The following CDH13 variants were observed in gnomAD, a reference collection of about 807,000 sequenced individuals.
CDH13 encodes the protein cadherin-13.
CDH13 carries 24 observed loss-of-function variants against 63.8 expected under a neutral mutation model. That is an observed-to-expected ratio of 0.38 (90% confidence interval 0.27 to 0.53). The LOEUF (loss-of-function observed/expected upper bound fraction) is 0.53, where lower values mean the gene tolerates loss of function less well. Ranked by LOEUF, CDH13 falls within the 20% of genes least tolerant of loss-of-function variation. CDH13 has a pLI of 0.85. For missense variants in CDH13, 1,049 were observed against 903.1 expected, an observed-to-expected ratio of 1.16 and a Z score of -2.07; for synonymous variants, 503 against 355.3, an observed-to-expected ratio of 1.42 and a Z score of -4.67.
chr16:83,220,757 C>G (rs960828395), intron 5 of CDH13, among the ~76,000 whole-genome samples: 1 of 151,202 alleles, frequency 6.6e-6, no homozygotes, highest in African/African-American at 2.4e-5. Flanking sequence ...TTAAGTGCTG[C>G]TCACATGCAA....
intron 2 of CDH13, among the ~76,000 whole-genome samples, chr16:82,908,818 C>T (rs182056095): frequency 2.0e-5 from 3 of 152,278 alleles, no homozygotes; most frequent in Non-Finnish European, 2.9e-5. Context: ...TCTCCCTATA[C>T]GGTTGACCCT....
chr16:82,642,745 G>C (rs894271122), intron 1 of CDH13, among the ~76,000 whole-genome samples: 2 of 152,186 alleles, frequency 1.3e-5, no homozygotes, highest in Admixed American at 1.3e-4. Context: ...ATATCAGTGT[G>C]GTGCTGATTT....
intron 11 of CDH13, among the ~76,000 whole-genome samples, chr16:83,762,734 C>T (rs1914077758): frequency 6.6e-6 from 1 of 152,178 alleles, no homozygotes; most frequent in South Asian, 2.1e-4. Flanking sequence ...GGTCTTCCTG[C>T]CTCCTTCTTA....
chr16:83,661,869 G>A (rs1477534809), intron 8 of CDH13, among the ~76,000 whole-genome samples: 1 of 152,204 alleles, frequency 6.6e-6, no homozygotes, highest in Non-Finnish European at 1.5e-5. Context: ...TCCTGCCAGG[G>A]CATGCAGTGA....
chr16:83,424,745 G>A (rs993258445), intron 6 of CDH13, among the ~76,000 whole-genome samples: 4 of 152,016 alleles, frequency 2.6e-5, no homozygotes, highest in African/African-American at 9.7e-5. Flanking sequence ...TTTCTCTCTC[G>A]ACTGTAGTTA....
At chr16:83,423,991 C>G (rs1388753208) in intron 6 of CDH13, among the ~76,000 whole-genome samples, 1 of 152,108 alleles carries the variant, frequency 6.6e-6, no homozygotes, top group Non-Finnish European at 1.5e-5. Context: ...GGAAACCAGT[C>G]TAGAAGAGGG....
At chr16:82,712,918 T>A (rs937932479) in intron 1 of CDH13, among the ~76,000 whole-genome samples, 2 of 152,124 alleles carry the variant, frequency 1.3e-5, no homozygotes, top group Non-Finnish European at 2.9e-5. Flanking sequence ...TGATTACTTG[T>A]CCTATCTCCT....
chr16:82,663,366 A>T (rs976094074), intron 1 of CDH13, among the ~76,000 whole-genome samples: 1 of 151,886 alleles, frequency 6.6e-6, no homozygotes, highest in African/African-American at 2.4e-5. Flanking sequence ...TTGTATTTTT[A>T]GTATAGATGG....
intron 3 of CDH13, among the ~76,000 whole-genome samples, chr16:83,049,640 G>C (rs1369436368): frequency 1.3e-5 from 2 of 152,082 alleles, no homozygotes; most frequent in African/African-American, 2.4e-5. Context: ...CTTTTACTTT[G>C]CATAATGTTG....
chr16:83,433,839 G>A (rs1447700002), intron 6 of CDH13, among the ~76,000 whole-genome samples: 1 of 152,132 alleles, frequency 6.6e-6, no homozygotes, highest in East Asian at 1.9e-4. Flanking sequence ...CATGGTATTG[G>A]TAGTAGTTGG....
intron 4 of CDH13, chr16:83,171,555 T>C: frequency 6.5e-7 from 1 of 1,534,308 alleles, no homozygotes; most frequent in Non-Finnish European, 8.7e-7. Context: ...CCTAGCACGA[T>C]GGCTGACATG....
At chr16:83,209,345 C>T (rs548870363) in intron 4 of CDH13, among the ~76,000 whole-genome samples, 29 of 152,292 alleles carry the variant, frequency 1.9e-4, no homozygotes, top group Middle Eastern at 6.8e-3. Context: ...GCCTCCAGGT[C>T]GGCCACTCCC....
chr16:82,706,159 C>G (rs1171840074), intron 1 of CDH13, among the ~76,000 whole-genome samples: 1 of 151,806 alleles, frequency 6.6e-6, no homozygotes, highest in African/African-American at 2.4e-5. Flanking sequence ...CGCCTCCCTT[C>G]TCCCTTTTTC....
At chr16:83,186,169 T>G (rs898811986) in intron 4 of CDH13, among the ~76,000 whole-genome samples, 5 of 149,520 alleles carry the variant, frequency 3.3e-5, no homozygotes, top group African/African-American at 1.2e-4. Context: ...AGAATCTCAC[T>G]ATGTCACCAG....
At chr16:83,237,300 A>T (rs1316634549) in intron 5 of CDH13, among the ~76,000 whole-genome samples, 3 of 152,160 alleles carry the variant, frequency 2.0e-5, no homozygotes, top group Non-Finnish European at 4.4e-5. Flanking sequence ...AGTGACCCAC[A>T]CTTGTGTCTT....
chr16:83,556,866 G>A (rs765653541), intron 7 of CDH13, among the ~76,000 whole-genome samples: 5 of 152,304 alleles, frequency 3.3e-5, no homozygotes, highest in East Asian at 1.9e-4. Flanking sequence ...ACGTTGAAGC[G>A]CCTCCTGGGC....
intron 5 of CDH13, among the ~76,000 whole-genome samples, chr16:83,236,464 A>G (rs892702424): frequency 6.6e-6 from 1 of 152,212 alleles, no homozygotes; most frequent in Admixed American, 6.5e-5. Context: ...ACCATTATAG[A>G]AGTTACTCTT....
intron 3 of CDH13, among the ~76,000 whole-genome samples, chr16:83,070,937 G>A (rs528804630): frequency 6.6e-6 from 1 of 150,890 alleles, no homozygotes; most frequent in Non-Finnish European, 1.5e-5. Flanking sequence ...TAAGTTAGGA[G>A]GGGAGTTATG....
chr16:82,844,467 G>A (rs1371135394), intron 1 of CDH13: 2 of 151,152 alleles, frequency 1.3e-5, no homozygotes, highest in South Asian at 2.1e-4. Flanking sequence ...CGGGCGTGGT[G>A]GCGGGCGCCT....
Sources: gnomAD v4.1 joint callset for allele counts (sites outside exome capture counted in the v4.1 genomes callset) on GRCh38, gnomAD v4.1.1 for gene constraint, MANE v1.5 for transcripts, NCBI Gene and HGNC (gene_info 2026-07-23, HGNC 2026-07-21) for gene names.